RAD51B: variants seen among roughly 807,000 people sequenced by gnomAD.
RAD51B encodes DNA repair protein RAD51 homolog 2.
In RAD51B, 38 loss-of-function variants were observed where a neutral mutation model predicts 42.2. The ratio of observed to expected loss-of-function variants is 0.90; its 90% CI spans 0.70 to 1.18. The LOEUF (loss-of-function observed/expected upper bound fraction) is 1.18, where lower values mean the gene tolerates loss of function less well. RAD51B is among the 50% of genes most tolerant of loss of function. The pLI, the probability that RAD51B is intolerant of heterozygous loss-of-function variation, is 0.00. For missense variants in RAD51B, 373 were observed against 400.7 expected (o/e 0.93, Z 0.59); for synonymous variants, 154 against 145.2 (o/e 1.06, Z -0.43).
At chr14:68,543,923 A>G (rs1158431738) in intron 10 of RAD51B, among the ~76,000 whole-genome samples, 1 of 152,202 alleles carries the variant, frequency 6.6e-6, no homozygotes, top group Non-Finnish European at 1.5e-5. Context: ...AAATTAGAAC[A>G]AAAAAATGAC....
intron 9 of RAD51B, among the ~76,000 whole-genome samples, chr14:68,448,375 C>A (rs1394084802): frequency 2.0e-5 from 3 of 152,196 alleles, no homozygotes; most frequent in African/African-American, 7.2e-5. Context: ...ACAGTTCACC[C>A]TAAGCAAGGA....
chr14:68,675,737 C>CCATT (rs1490548801), intron 11 of RAD51B, among the ~76,000 whole-genome samples: 1 of 152,236 alleles, frequency 6.6e-6, no homozygotes, highest in Non-Finnish European at 1.5e-5. Flanking sequence ...AGACACTGTG[C>CCATT]CATTGCCTTG....
rs146220290 is a variant in RAD51B at position 68,065,698 on chromosome 14, G to A, written c.756+178494G>A. Reference sequence around the variant, plus strand: ...TTCTTGTGGATTTAGGTTTTGAGTGGCTGGGATTGAGGTGCTGCAACCCTT... The same window carrying A: ...TTCTTGTGGATTTAGGTTTTGAGTGACTGGGATTGAGGTGCTGCAACCCTT... On this transcript the variant is annotated intron_variant, in intron 7 of 10. Transcript: ENST00000471583. 3.0e-3 allele frequency among the ~76,000 whole-genome samples: 451 copies of A among 152,224 alleles called. 2 individuals are homozygous for A. Among genetic ancestry groups the A allele is most frequent in the African/African-American group, 0.01 (434 of 41,534 alleles).
intron 7 of RAD51B, among the ~76,000 whole-genome samples, chr14:68,154,385 G>A (rs960124372): frequency 2.6e-5 from 4 of 152,102 alleles, no homozygotes; most frequent in Admixed American, 6.5e-5. Context: ...ATTCTTATTC[G>A]TAAAAATAGG....
At chr14:67,948,179 C>T (rs1397292309) in intron 7 of RAD51B, among the ~76,000 whole-genome samples, 1 of 152,048 alleles carries the variant, frequency 6.6e-6, no homozygotes. Context: ...TTGTTATGGT[C>T]CACAGGAATA....
At chr14:68,263,820 A>C (rs913729411) in intron 7 of RAD51B, among the ~76,000 whole-genome samples, 3 of 152,236 alleles carry the variant, frequency 2.0e-5, no homozygotes, top group Non-Finnish European at 2.9e-5. Flanking sequence ...ATAAGCACTA[A>C]TGGCAAACTT....
intron 9 of RAD51B, among the ~76,000 whole-genome samples, chr14:68,466,379 T>C (rs971142840): frequency 7.9e-5 from 12 of 152,210 alleles, no homozygotes; most frequent in African/African-American, 2.7e-4. Context: ...TATCACCATT[T>C]TACAGGTGGG....
At chr14:67,915,476 T>A (rs924902781) in intron 7 of RAD51B, among the ~76,000 whole-genome samples, 2 of 152,224 alleles carry the variant, frequency 1.3e-5, no homozygotes, top group Non-Finnish European at 2.9e-5. Flanking sequence ...TCAGAACTGA[T>A]ACCTCTAGCT....
exon 11 of RAD51B, chr14:68,595,379 T>C: frequency 9.4e-7 from 1 of 1,066,456 alleles, no homozygotes; most frequent in East Asian, 4.9e-5. Context: ...GAGCCTGTTT[T>C]GTCTGAAATA....
At chr14:68,612,487 T>C (rs1227302562), downstream of RAD51B, among the ~76,000 whole-genome samples, 2 of 152,212 alleles carry the variant, frequency 1.3e-5, no homozygotes, top group South Asian at 4.1e-4. Context: ...ACAAGATGAC[T>C]CTTTGCCATC....
At chr14:68,629,762 A>G (rs1892181925) in intron 10 of RAD51B, among the ~76,000 whole-genome samples, 1 of 152,244 alleles carries the variant, frequency 6.6e-6, no homozygotes, top group African/African-American at 2.4e-5. Context: ...AAAAGCATAC[A>G]TACGTCCTAA....
chr14:68,621,127 A>C lies in RAD51B; in HGVS notation c.1037-29654A>C, dbSNP rs147612053. On this transcript the variant is annotated intron_variant, in intron 10 of 11. Transcript: ENST00000488612. The stretch of plus-strand genomic sequence containing the variant: ...CTTATTTTTCCTTCCTTTATCATTC[A>C]TTCAATCCTGGGAATACCACGCTTA... Among the ~76,000 whole-genome samples the C allele has an allele frequency of 5.9e-4, 90 of 152,292 alleles. 1 individual carries two copies. The highest frequency in any genetic ancestry group is 2.0e-3 in the African/African-American group (83 of 41,552).
intron 10 of RAD51B, among the ~76,000 whole-genome samples, chr14:68,586,513 G>A (rs1890487886): frequency 6.6e-6 from 1 of 152,182 alleles, no homozygotes; most frequent in African/African-American, 2.4e-5. Context: ...GGGAGGTGGG[G>A]GCAGACCAGG....
At position 67,921,213 on chromosome 14, in the gene RAD51B, T is replaced by TATGTC. The variant is rs887010634; in HGVS notation, c.756+34021_756+34025dup. Among the ~76,000 whole-genome samples, 18 of 152,278 alleles carry TATGTC rather than the reference T, an allele frequency of 1.2e-4. No individual in the cohort carries two copies. In the East Asian group the frequency reaches 2.9e-3, roughly 24 times the overall value. On this transcript the variant is annotated intron_variant, in intron 7 of 10. Coordinates refer to ENST00000471583, the MANE Select transcript of RAD51B (RefSeq NM_133510.4). Reference sequence around the variant, plus strand: ...GGAGGGCTAGGAATCCGTATTTTGTTATGTCATGTCATGTCAGACAGGGTA... The same window carrying TATGTC: ...GGAGGGCTAGGAATCCGTATTTTGTTATGTCATGTCATGTCATGTCAGACAGGGTA...
chr14:68,130,210 G>T (rs1368715872), intron 7 of RAD51B: 1 of 152,210 alleles, frequency 6.6e-6, no homozygotes, highest in Non-Finnish European at 1.5e-5. Context: ...TCCATAGAGG[G>T]TGCCTTCAGA....
intron 7 of RAD51B, among the ~76,000 whole-genome samples, chr14:67,948,864 G>A (rs555417400): frequency 6.1e-5 from 9 of 146,480 alleles, no homozygotes; most frequent in Non-Finnish European, 1.3e-4. Flanking sequence ...CCTGGGAGGC[G>A]GAGCTTGCAG....
intron 7 of RAD51B, among the ~76,000 whole-genome samples, chr14:67,984,531 A>C (rs17783304): frequency 0.18 from 26,892 of 152,044 alleles, 2,586 homozygotes; most frequent in Middle Eastern, 0.35. Flanking sequence ...ACTGCTTTTC[A>C]GTATGAATTG....
At chr14:68,258,781 C>T (rs959421104) in intron 7 of RAD51B, among the ~76,000 whole-genome samples, 4 of 152,158 alleles carry the variant, frequency 2.6e-5, no homozygotes, top group Non-Finnish European at 5.9e-5. Context: ...TTCTTCCTCT[C>T]TCACACATTG....
At chr14:68,085,676 A>G (rs981448472) in intron 7 of RAD51B, among the ~76,000 whole-genome samples, 3 of 152,174 alleles carry the variant, frequency 2.0e-5, no homozygotes, top group Non-Finnish European at 4.4e-5. Context: ...TTGGTTAAAG[A>G]GTTAAGTGGG....
Sources: gnomAD v4.1 joint callset for allele counts (sites outside exome capture counted in the v4.1 genomes callset) on GRCh38, gnomAD v4.1.1 for gene constraint, MANE v1.5 for transcripts, NCBI Gene and HGNC (gene_info 2026-07-23, HGNC 2026-07-21) for gene names.